Variants in TMIGD3 observed in about 807,000 individuals in gnomAD.
The protein encoded by TMIGD3 is AD026 protein (AD026).
Under a neutral mutation model 28.1 loss-of-function variants are expected in TMIGD3, and 21 were observed. The ratio of observed to expected loss-of-function variants is 0.75; its 90% confidence interval spans 0.53 to 1.08. The LOEUF (loss-of-function observed/expected upper bound fraction) is 1.08, where lower values mean the gene tolerates loss of function less well. Among genes scored for constraint, TMIGD3 ranks in the 50% least tolerant of loss-of-function variants. TMIGD3 has a pLI of 0.00. For missense variants in TMIGD3, 416 were observed against 435.6 expected (o/e 0.96, Z 0.40); for synonymous variants, 151 against 162.1 (o/e 0.93, Z 0.52).
At position 111,489,792 on chromosome 1, in the gene TMIGD3, G is replaced by T. The variant is rs141601961; in HGVS notation, c.458-768C>A. The T allele has an allele frequency of 2.0e-4, 197 of 986,980 alleles. No individual in the cohort carries two copies. In the African/African-American group the frequency reaches 3.3e-3, roughly 17 times the overall value. 61.1% of individuals were successfully genotyped at this position (986,980 alleles called of 1,614,324 possible). A position where few individuals can be genotyped will look rare whatever the true frequency, so the allele number is the denominator to read the frequency against. ...AGGAAGTCATGTTCTGTCTTTAGGGGATAAGAACTTCATGTTCCCTCCGTA... is the reference window on the plus strand; with the variant it reads ...AGGAAGTCATGTTCTGTCTTTAGGGTATAAGAACTTCATGTTCCCTCCGTA... On this transcript the variant is annotated intron_variant, in intron 2 of 5. Coordinates refer to ENST00000369716, the MANE Select transcript of TMIGD3 (RefSeq NM_020683.7).
intron 1 of TMIGD3, among the ~76,000 whole-genome samples, chr1:111,518,512 G>A (rs11809927): frequency 0.27 from 41,490 of 152,100 alleles, 6,208 homozygotes; most frequent in East Asian, 0.66. Flanking sequence ...TTACTAAATG[G>A]TCCCTGGGAG....
chr1:111,484,374 T>C (rs1654260341), intron 5 of TMIGD3, among the ~76,000 whole-genome samples: 1 of 152,166 alleles, frequency 6.6e-6, no homozygotes, highest in Admixed American at 6.5e-5. Context: ...ACCCTCAATT[T>C]ATAGAAAAGG....
Position 111,483,617 on chromosome 1 carries a change from G to T in TMIGD3, c.*70C>A. ...GGAGATCAGAATCAGTCTCTGAGGTGTGGGCCAGTTGTCATGGTGATTATT... is the reference window on the plus strand; with the variant it reads ...GGAGATCAGAATCAGTCTCTGAGGTTTGGGCCAGTTGTCATGGTGATTATT... On this transcript the variant is annotated 3_prime_UTR_variant, in exon 6 of 6. Coordinates refer to ENST00000369716, the MANE Select transcript of TMIGD3 (RefSeq NM_020683.7). The T allele has an allele frequency of 2.4e-6, 3 of 1,238,040 alleles. No homozygotes were observed. Among genetic ancestry groups the T allele is most frequent in the Non-Finnish European group, 3.5e-6 (3 of 847,716 alleles). The allele number at this position is 1,238,040 out of a possible 1,614,324, so 76.7% of individuals were successfully genotyped here.
intron 1 of TMIGD3, among the ~76,000 whole-genome samples, chr1:111,516,017 G>T (rs1655852834): frequency 6.6e-6 from 1 of 152,234 alleles, no homozygotes; most frequent in South Asian, 2.1e-4. Context: ...ACTCATCTGA[G>T]GCGAGTCTCT....
chr1:111,522,486 T>C (rs1048750855), intron 1 of TMIGD3, among the ~76,000 whole-genome samples: 1 of 152,076 alleles, frequency 6.6e-6, no homozygotes, highest in Non-Finnish European at 1.5e-5. Context: ...TACAAACCTT[T>C]TATTAAATGT....
chr1:111,499,640 G>C, intron 1 of TMIGD3: 6 of 1,139,810 alleles, frequency 5.3e-6, no homozygotes, highest in Non-Finnish European at 6.5e-6. Flanking sequence ...AAGTCAACTA[G>C]GCACCCTTCA....
intron 1 of TMIGD3, among the ~76,000 whole-genome samples, chr1:111,509,555 G>A (rs1359617285): frequency 1.3e-5 from 2 of 152,100 alleles, no homozygotes; most frequent in East Asian, 3.9e-4. Context: ...ACCAACTACT[G>A]ATCCCAAATG....
intron 1 of TMIGD3, among the ~76,000 whole-genome samples, chr1:111,493,209 C>T (rs1654747667): frequency 6.6e-6 from 1 of 152,156 alleles, no homozygotes; most frequent in African/African-American, 2.4e-5. Flanking sequence ...CTCCAAACCT[C>T]ATGCTGAAAT....
At chr1:111,545,877 T>C (rs1657016688) in intron 1 of TMIGD3, among the ~76,000 whole-genome samples, 1 of 152,190 alleles carries the variant, frequency 6.6e-6, no homozygotes, top group African/African-American at 2.4e-5. Flanking sequence ...TTGAAAAGAC[T>C]GTCCTTTCTC....
intron 1 of TMIGD3, among the ~76,000 whole-genome samples, chr1:111,521,086 T>C (rs1453253338): frequency 6.6e-6 from 1 of 151,188 alleles, no homozygotes; most frequent in Non-Finnish European, 1.5e-5. Context: ...TGTATAACTT[T>C]GGCATTCATC....
At chr1:111,551,619 G>T (rs1268751024) in intron 1 of TMIGD3, among the ~76,000 whole-genome samples, 4 of 152,062 alleles carry the variant, frequency 2.6e-5, no homozygotes, top group Non-Finnish European at 5.9e-5. Flanking sequence ...TTATGTAGCT[G>T]TCTTTTAAAT....
In TMIGD3 at chr1:111,483,555, AT is replaced by A; in HGVS notation, c.*131del. On this transcript the variant is annotated 3_prime_UTR_variant, in exon 6 of 6. Coordinates refer to ENST00000369716, the MANE Select transcript of TMIGD3 (RefSeq NM_020683.7). Reference sequence around the variant, plus strand: ...CGCCGTTGCTACCTGGCTGCAAATGATTGTTGTCAAGGATAGAGGGTCCTTC... The same window carrying A: ...CGCCGTTGCTACCTGGCTGCAAATGATGTTGTCAAGGATAGAGGGTCCTTC... 1.3e-6 allele frequency: 1 copy of A among 798,234 alleles called. No homozygotes were observed. 49.4% of individuals were successfully genotyped at this position (798,234 alleles called of 1,614,324 possible). A position where few individuals can be genotyped will look rare whatever the true frequency, so the allele number is the denominator to read the frequency against.
At chr1:111,544,565 C>A (rs190734718) in intron 1 of TMIGD3, among the ~76,000 whole-genome samples, 1 of 152,144 alleles carries the variant, frequency 6.6e-6, no homozygotes, top group Non-Finnish European at 1.5e-5. Flanking sequence ...AGTTGAATAA[C>A]GTTCCATTAT....
At chr1:111,532,389 C>G (rs955264186) in intron 1 of TMIGD3, among the ~76,000 whole-genome samples, 8 of 152,162 alleles carry the variant, frequency 5.3e-5, no homozygotes, top group African/African-American at 1.9e-4. Context: ...TCCATCCAGG[C>G]CCAGGAAAAA....
At chr1:111,489,778 T>C in intron 2 of TMIGD3, 1 of 1,010,208 alleles carries the variant, frequency 9.9e-7, no homozygotes, top group Non-Finnish European at 1.2e-6. Context: ...GGAAGTCATG[T>C]TCTGTCTTTA....
chr1:111,534,211 A>G (rs1411370652), intron 1 of TMIGD3, among the ~76,000 whole-genome samples: 1 of 152,212 alleles, frequency 6.6e-6, no homozygotes, highest in East Asian at 1.9e-4. Context: ...TATCATGGGT[A>G]TCTTTCAATA....
chr1:111,539,972 T>C (rs951478154), intron 1 of TMIGD3, among the ~76,000 whole-genome samples: 16 of 152,164 alleles, frequency 1.1e-4, no homozygotes, highest in African/African-American at 3.9e-4. Flanking sequence ...GAGGAAGAAA[T>C]CTAGGTACCT....
intron 1 of TMIGD3, among the ~76,000 whole-genome samples, chr1:111,527,900 GTC>G (rs34723829): frequency 0.16 from 24,341 of 151,964 alleles, 2,179 homozygotes; most frequent in East Asian, 0.45. Context: ...TTGGATAACA[GTC>G]TCCTGTATCA....
intron 1 of TMIGD3, among the ~76,000 whole-genome samples, chr1:111,524,023 CT>C (rs1656170860): frequency 8.3e-6 from 1 of 120,388 alleles, no homozygotes; most frequent in Admixed American, 1.0e-4. Context: ...TTCTTTCTTT[CT>C]TTTCTTTTTT....
Sources: gnomAD v4.1 joint callset for allele counts (sites outside exome capture counted in the v4.1 genomes callset) on GRCh38, gnomAD v4.1.1 for gene constraint, MANE v1.5 for transcripts, NCBI Gene and HGNC (gene_info 2026-07-23, HGNC 2026-07-21) for gene names.